The following ZSWIM2 variants were observed in gnomAD, a reference collection of about 807,000 sequenced individuals.
ZSWIM2 encodes zinc finger SWIM-type containing 2, also known as E3 ubiquitin-protein ligase ZSWIM2.
A neutral mutation model predicts 48.4 loss-of-function variants in ZSWIM2; 38 were observed. The ratio of observed to expected loss-of-function variants is 0.79; its 90% CI spans 0.61 to 1.03. ZSWIM2 has a LOEUF of 1.03. Ranked by LOEUF, ZSWIM2 falls within the 50% of genes least tolerant of loss-of-function variation. ZSWIM2 has a pLI of 0.00. For synonymous variants in ZSWIM2, 240 were observed against 251.3 expected (o/e 0.96, Z 0.42); for missense variants, 776 against 730.2 (o/e 1.06, Z -0.72).
In ZSWIM2 at chr2:186,837,392, A is replaced by G. The variant is rs749538936; in HGVS notation, c.657T>C (p.Ala219=). ...EEFKNSSKLV[A]AAEKERLDKH... is the part of the protein sequence containing the mutation. ...TGTCCAGTCTCTCTTTTTCTGCTGC[A>G]GCTACTAGTTTGCTAGAGTTTTTGA... The change falls in exon 5 of 9, where the codon GCT becomes GCC. Residue 219 remains alanine, a synonymous_variant. Transcript: ENST00000295131. The G allele has an allele frequency of 6.2e-7, 1 of 1,613,040 alleles. No homozygotes were observed. The highest frequency in any genetic ancestry group is 1.1e-5 in the South Asian group (1 of 91,064).
rs367857657 is a variant in ZSWIM2 at position 186,834,026 on chromosome 2, T to G, written c.748A>C (p.Thr250Pro). 1.2e-6 allele frequency: 2 copies of G among 1,607,284 alleles called. No homozygotes were observed. Among genetic ancestry groups the G allele is most frequent in the South Asian group, 2.2e-5 (2 of 90,650 alleles). Residue 250 changes from threonine (T) to proline (P), a missense_variant, in exon 6 of 9, where the codon ACC (threonine) becomes CCC (proline). By Grantham distance (38) the Thr-to-Pro change is conservative. Transcript: ENST00000295131. ...FPIEGKCYKC[T>P]ECIEYHLCQE... ...CATAAGTGATATTCTATGCATTCGGTACACCTAAAAATACAAAACATCAAA... is the reference window on the plus strand; with the variant it reads ...CATAAGTGATATTCTATGCATTCGGGACACCTAAAAATACAAAACATCAAA...
rs368862359 is a variant in ZSWIM2, at chr2:186,828,523, G to C, written c.1363C>G (p.Pro455Ala). The C allele has an allele frequency of 2.5e-5, 40 of 1,613,426 alleles. No homozygotes were observed. Among genetic ancestry groups the C allele is most frequent in the Middle Eastern group, 1.7e-4 (1 of 6,052 alleles). ...TCATAGGCATCTTTTGGGCTTTGAG[G>C]TGTATTCAATTCATCAAAATTACAC... ...PQCNFDELNT[P>A]QSPKDAYENT... Residue 455 changes from proline to alanine, a missense_variant, in exon 9 of 9, where the codon CCT becomes GCT. By Grantham distance (27) the Pro-to-Ala change is conservative. Coordinates refer to ENST00000295131, the MANE Select transcript of ZSWIM2 (RefSeq NM_182521.3).
At chr2:186,845,916 G>A (rs1437495270) in intron 2 of ZSWIM2, among the ~76,000 whole-genome samples, 1 of 151,554 alleles carries the variant, frequency 6.6e-6, no homozygotes, top group African/African-American at 2.4e-5. Context: ...AATAGTGCTG[G>A]GAAAATTGCA....
intron 3 of ZSWIM2, among the ~76,000 whole-genome samples, chr2:186,841,914 T>C (rs1297804987): frequency 6.6e-6 from 1 of 151,340 alleles, no homozygotes; most frequent in Non-Finnish European, 1.5e-5. Flanking sequence ...AAAAAGAAGA[T>C]AGTATTCACT....
chr2:186,845,971 T>C (rs1392068121), intron 2 of ZSWIM2, among the ~76,000 whole-genome samples: 3 of 151,794 alleles, frequency 2.0e-5, no homozygotes, highest in Non-Finnish European at 4.4e-5. Flanking sequence ...TTTCACCATA[T>C]ACAAAAATTA....
intron 3 of ZSWIM2, among the ~76,000 whole-genome samples, chr2:186,844,040 C>T (rs78943547): frequency 6.6e-6 from 1 of 151,590 alleles, no homozygotes; most frequent in Non-Finnish European, 1.5e-5. Flanking sequence ...TTTATTAATA[C>T]TTTTAAAAAT....
chr2:186,843,934 G>C (rs908093706), intron 3 of ZSWIM2, among the ~76,000 whole-genome samples: 1 of 151,570 alleles, frequency 6.6e-6, no homozygotes, highest in African/African-American at 2.4e-5. Context: ...ATAATAGCTA[G>C]GGGGAAATAA....
rs1023249138 is a variant in ZSWIM2, at chr2:186,837,483, G to A, written c.566C>T (p.Thr189Ile). Residue 189 changes from threonine to isoleucine, a missense_variant, in exon 5 of 9, where the codon ACT (threonine) becomes ATT (isoleucine). Physicochemically the swap from Thr to Ile is moderately conservative, Grantham distance 89 (BLOSUM62 -1). Coordinates refer to ENST00000295131, the MANE Select transcript of ZSWIM2 (RefSeq NM_182521.3). ...GCACAGAGGACATTTCAACATGGAA[G>A]TGTTTGATGTACTCTGATAATTAGC... Reference protein sequence around the residue: ...ILANYQSTSNTSMLKCPLCRK... With the variant: ...ILANYQSTSNISMLKCPLCRK... 6 of 1,612,400 alleles carry A rather than the reference G, an allele frequency of 3.7e-6. No homozygotes were observed. The highest frequency in any genetic ancestry group is 1.3e-5 in the African/African-American group (1 of 74,902).
chr2:186,841,039 C>G (rs1691894022), intron 3 of ZSWIM2, among the ~76,000 whole-genome samples: 1 of 151,472 alleles, frequency 6.6e-6, no homozygotes, highest in Admixed American at 6.6e-5. Context: ...GAATAAAGCA[C>G]AGACACTAAA....
At chr2:186,834,317 C>T (rs1355330495) in intron 5 of ZSWIM2, among the ~76,000 whole-genome samples, 1 of 152,080 alleles carries the variant, frequency 6.6e-6, no homozygotes, top group Non-Finnish European at 1.5e-5. Flanking sequence ...TTTTAGGGGG[C>T]TCTAGGGGAG....
rs1691637525 is a variant in ZSWIM2 at position 186,828,415 on chromosome 2, G to A, written c.1471C>T (p.Gln491Ter). 1 of 1,613,398 alleles carries A rather than the reference G, an allele frequency of 6.2e-7. No individual in the cohort carries two copies. Among genetic ancestry groups the A allele is most frequent in the Non-Finnish European group, 8.5e-7 (1 of 1,179,708 alleles). Residue 491 changes from glutamine (Q) to a stop codon, truncating the protein, a stop_gained, in exon 9 of 9, where the codon CAA (glutamine) becomes TAA (stop). Coordinates refer to ENST00000295131, the MANE Select transcript of ZSWIM2 (RefSeq NM_182521.3). LOFTEE classifies it low-confidence loss of function (END_TRUNC). ...KKLTYDYKISQHFPRYLQDLP... is the reference protein window; with the variant it reads ...KKLTYDYKIS Reference sequence around the variant, plus strand: ...TCTTGAAGATACCTGGGAAAATGTTGGCTAATTTTATAATCATAGGTTAAT... The same window carrying A: ...TCTTGAAGATACCTGGGAAAATGTTAGCTAATTTTATAATCATAGGTTAAT...
intron 1 of ZSWIM2, among the ~76,000 whole-genome samples, chr2:186,848,382 A>T (rs1047226311): frequency 6.6e-6 from 1 of 152,184 alleles, no homozygotes; most frequent in East Asian, 1.9e-4. Context: ...GAGGTAGTGC[A>T]GTGGCTAATT....
Position 186,837,316 on chromosome 2 carries a change from T to TC in ZSWIM2, c.732dup (p.Lys245GlufsTer4), listed in dbSNP as rs759623768. On this transcript the variant is annotated frameshift_variant, in exon 5 of 9. Transcript: ENST00000295131. LOFTEE classifies it high-confidence loss of function. ...ACGGATAACACTTACTTATAACACT[T>TC]CCCCTCAATTGGAAACTGTTTGCAG... 4 of 1,612,524 alleles carry TC rather than the reference T, an allele frequency of 2.5e-6. No homozygotes were observed. Among genetic ancestry groups the TC allele is most frequent in the Non-Finnish European group, 3.4e-6 (4 of 1,179,076 alleles).
chr2:186,847,767 T>G lies in ZSWIM2; in HGVS notation c.194A>C (p.Asn65Thr), dbSNP rs766168285. 1.2e-6 allele frequency: 2 copies of G among 1,606,824 alleles called. No individual in the cohort carries two copies. ...CCCTCCTTTCGGAAATGTGGAACAG[T>G]TACAAACGTGAGGATTTCCTAGAAA... ...RVFLGNPHVC[N>T]CSTFPKGGEL... The change falls in exon 2 of 9, where the codon AAC becomes ACC. Residue 65 changes from asparagine (N) to threonine (T), a missense_variant. By Grantham distance (65) the Asn-to-Thr change is moderately conservative. Transcript: ENST00000295131.
chr2:186,837,916 T>C (rs1691827334), intron 4 of ZSWIM2, among the ~76,000 whole-genome samples: 1 of 151,520 alleles, frequency 6.6e-6, no homozygotes, highest in Admixed American at 6.6e-5. Context: ...ATAAAATGCT[T>C]CACTGAGAGC....
intron 5 of ZSWIM2, among the ~76,000 whole-genome samples, chr2:186,834,839 C>T (rs1276819609): frequency 2.0e-5 from 3 of 152,146 alleles, no homozygotes; most frequent in African/African-American, 7.2e-5. Flanking sequence ...CAAGACTTAT[C>T]CAAGCAATCC....
intron 5 of ZSWIM2, among the ~76,000 whole-genome samples, chr2:186,834,341 G>C (rs1284710642): frequency 6.6e-6 from 1 of 152,082 alleles, no homozygotes; most frequent in African/African-American, 2.4e-5. Context: ...CTATTTCCTT[G>C]CTCTTTCCAT....
chr2:186,840,295 A>G (rs1391358696), intron 3 of ZSWIM2, among the ~76,000 whole-genome samples: 1 of 151,738 alleles, frequency 6.6e-6, no homozygotes, highest in African/African-American at 2.4e-5. Context: ...GGCAGCAGAA[A>G]TACTGAAGAA....
intron 1 of ZSWIM2, chr2:186,848,676 G>A (rs2105517867): frequency 3.2e-6 from 1 of 314,696 alleles, no homozygotes; most frequent in Admixed American, 4.0e-5. Flanking sequence ...TGCCAACCAG[G>A]TATTCATACG....
Sources: allele counts gnomAD v4.1 joint callset (sites outside exome capture counted in the v4.1 genomes callset), GRCh38; gene constraint gnomAD v4.1.1; transcripts MANE v1.5; gene names NCBI Gene and HGNC (gene_info 2026-07-23, HGNC 2026-07-21).